Variants in ANKS1B observed in about 807,000 individuals in gnomAD.
ANKS1B encodes the protein ankyrin repeat and sterile alpha motif domain containing 1B, also known as ankyrin repeat and sterile alpha motif domain-containing protein 1B.
In ANKS1B, 36 loss-of-function variants were observed where a neutral mutation model predicts 148.3. The observed-to-expected ratio is 0.24, with a 90% CI of 0.19 to 0.32. The LOEUF is 0.32. Ranked by LOEUF, ANKS1B falls within the 10% of genes least tolerant of loss-of-function variation. ANKS1B has a pLI of 1.00. For missense variants in ANKS1B, 1,157 were observed against 1,542.6 expected (o/e 0.75, Z 4.19); for synonymous variants, 542 against 560.8 (o/e 0.97, Z 0.47).
At chr12:99,904,129 A>G (rs1303143378) in intron 1 of ANKS1B, among the ~76,000 whole-genome samples, 1 of 151,990 alleles carries the variant, frequency 6.6e-6, no homozygotes, top group East Asian at 1.9e-4. Context: ...TCTTATCCCG[A>G]GAGTCCTTAA....
At chr12:99,254,648 C>G (rs1385454766) in intron 12 of ANKS1B, among the ~76,000 whole-genome samples, 1 of 152,156 alleles carries the variant, frequency 6.6e-6, no homozygotes, top group Non-Finnish European at 1.5e-5. Context: ...AATGTTTGCT[C>G]TAAGTTTTGG....
chr12:99,110,148 G>A (rs907265236), intron 15 of ANKS1B, among the ~76,000 whole-genome samples: 3 of 152,130 alleles, frequency 2.0e-5, no homozygotes, highest in Non-Finnish European at 4.4e-5. Flanking sequence ...AAAGTTCTCT[G>A]ATAGCAAAGC....
At chr12:99,152,188 C>T (rs1460849903) in intron 15 of ANKS1B, among the ~76,000 whole-genome samples, 1 of 152,058 alleles carries the variant, frequency 6.6e-6, no homozygotes, top group Non-Finnish European at 1.5e-5. Flanking sequence ...GCTTATGATA[C>T]TAGTAGCAAA....
intron 9 of ANKS1B, among the ~76,000 whole-genome samples, chr12:99,642,582 G>A (rs544558960): frequency 4.8e-4 from 73 of 152,258 alleles, no homozygotes; most frequent in African/African-American, 1.6e-3. Context: ...TTGGGAGGCC[G>A]AGGCAGGTGA....
intron 12 of ANKS1B, among the ~76,000 whole-genome samples, chr12:99,256,075 C>T (rs532809071): frequency 7.3e-5 from 11 of 151,622 alleles, no homozygotes; most frequent in Non-Finnish European, 1.5e-4. Context: ...CATGGTGAAA[C>T]CCTGTCTATA....
intron 10 of ANKS1B, among the ~76,000 whole-genome samples, chr12:99,447,577 C>A (rs1216185196): frequency 1.3e-5 from 2 of 151,996 alleles, no homozygotes; most frequent in African/African-American, 4.8e-5. Flanking sequence ...ACCTCAAAAG[C>A]ACAGGCAAGA....
chr12:99,613,642 A>C (rs1315749208), intron 9 of ANKS1B, among the ~76,000 whole-genome samples: 3 of 152,098 alleles, frequency 2.0e-5, no homozygotes, highest in African/African-American at 7.2e-5. Context: ...TATAAGTGGC[A>C]GCTAAATGAT....
At chr12:99,841,619 G>T (rs1329082912) in intron 1 of ANKS1B, among the ~76,000 whole-genome samples, 5 of 151,970 alleles carry the variant, frequency 3.3e-5, no homozygotes, top group Non-Finnish European at 7.4e-5. Flanking sequence ...AATCATCTAG[G>T]ATTGGCACTT....
At chr12:99,543,380 A>C (rs1045956105) in intron 9 of ANKS1B, among the ~76,000 whole-genome samples, 7 of 152,174 alleles carry the variant, frequency 4.6e-5, no homozygotes, top group Admixed American at 3.9e-4. Flanking sequence ...TGGTATTGTA[A>C]AATAGTGTAA....
At chr12:99,439,181 T>G (rs900852335) in intron 11 of ANKS1B, among the ~76,000 whole-genome samples, 1 of 151,702 alleles carries the variant, frequency 6.6e-6, no homozygotes, top group Admixed American at 6.6e-5. Context: ...CAATCTGAGA[T>G]GGATTATCGA....
chr12:99,746,123 G>A (rs1039444376), intron 8 of ANKS1B, among the ~76,000 whole-genome samples: 6 of 152,118 alleles, frequency 3.9e-5, no homozygotes, highest in African/African-American at 7.2e-5. Flanking sequence ...AACCAGGGCC[G>A]TGTAACTCTC....
intron 17 of ANKS1B, among the ~76,000 whole-genome samples, chr12:99,006,930 A>G (rs951161166): frequency 6.6e-6 from 1 of 152,216 alleles, no homozygotes; most frequent in African/African-American, 2.4e-5. Flanking sequence ...TCTATCAGGT[A>G]AGCTAACCCC....
Position 98,744,150 on chromosome 12 carries a change from T to C in ANKS1B, c.*1589A>G, listed in dbSNP as rs181420833. ...TGCCTCCTGGTACCATATTTTAGTG[T>C]TATTTAACTCTCATTTTGCTACATA... On this transcript the variant is annotated 3_prime_UTR_variant, in exon 27 of 27. Transcript: ENST00000683438. 7 of 985,762 alleles carry C rather than the reference T, an allele frequency of 7.1e-6. No homozygotes were observed. In the East Asian group the frequency reaches 5.7e-4, roughly 80 times the overall value. 61.1% of individuals were successfully genotyped at this position (985,762 alleles called of 1,614,324 possible).
intron 8 of ANKS1B, among the ~76,000 whole-genome samples, chr12:99,706,872 C>T (rs1500663): frequency 0.36 from 54,742 of 151,750 alleles, 10,618 homozygotes; most frequent in South Asian, 0.55. Context: ...TGACAAACCA[C>T]AAGGAACTGA....
intron 26 of ANKS1B, among the ~76,000 whole-genome samples, chr12:98,746,882 A>G (rs1593334297): frequency 6.6e-6 from 1 of 152,206 alleles, no homozygotes; most frequent in South Asian, 2.1e-4. Context: ...AGAATGAAAC[A>G]CAGCCTCATC....
intron 14 of ANKS1B, among the ~76,000 whole-genome samples, chr12:99,187,486 G>A (rs544571125): frequency 6.6e-6 from 1 of 152,164 alleles, no homozygotes; most frequent in Non-Finnish European, 1.5e-5. Context: ...GACTAACAAC[G>A]TATCTGTCTG....
At chr12:99,531,286 A>C (rs564898661) in intron 9 of ANKS1B, among the ~76,000 whole-genome samples, 171 of 152,042 alleles carry the variant, frequency 1.1e-3, no homozygotes, top group African/African-American at 3.8e-3. Flanking sequence ...ATACATTTTT[A>C]TTTTTACTTT....
At chr12:98,869,012 G>T (rs41451645) in intron 17 of ANKS1B, among the ~76,000 whole-genome samples, 1 of 152,058 alleles carries the variant, frequency 6.6e-6, no homozygotes, top group Non-Finnish European at 1.5e-5. Flanking sequence ...GTGTATCCAA[G>T]GGCACAAGAT....
chr12:99,736,212 C>A (rs1234708610), intron 8 of ANKS1B, among the ~76,000 whole-genome samples: 1 of 152,004 alleles, frequency 6.6e-6, no homozygotes, highest in Non-Finnish European at 1.5e-5. Context: ...TTTCCACTTT[C>A]AACACTCTAT....
Sources: allele counts gnomAD v4.1 joint callset (sites outside exome capture counted in the v4.1 genomes callset), GRCh38; gene constraint gnomAD v4.1.1; transcripts MANE v1.5; gene names NCBI Gene and HGNC (gene_info 2026-07-23, HGNC 2026-07-21).